The following DLGAP1 variants were observed in gnomAD, a reference collection of about 807,000 sequenced individuals.
DLGAP1 encodes the protein disks large-associated protein 1.
A neutral mutation model predicts 90.8 loss-of-function variants in DLGAP1; 11 were observed. That is an observed-to-expected ratio of 0.12 (90% CI 0.08 to 0.20). The LOEUF is 0.20. DLGAP1 is among the 10% of genes least tolerant of loss of function. The pLI is 1.00. For missense variants in DLGAP1, 1,050 were observed against 1,333.8 expected (o/e 0.79, Z 3.31); for synonymous variants, 558 against 540.7 (o/e 1.03, Z -0.44).
intron 5 of DLGAP1, among the ~76,000 whole-genome samples, chr18:3,776,565 G>A (rs922603805): frequency 7.9e-5 from 12 of 152,096 alleles, no homozygotes; most frequent in African/African-American, 2.2e-4. Context: ...TTGGGGCTGT[G>A]CCGACTCTCC....
chr18:4,089,820 C>A (rs9961053), intron 2 of DLGAP1, among the ~76,000 whole-genome samples: 3,524 of 151,978 alleles, frequency 0.023, 140 homozygotes, highest in African/African-American at 0.078. Context: ...CCGAGGCGGG[C>A]GGATCACGAG....
At chr18:4,399,097 TGGGATTACA>T (rs2082499171) in intron 1 of DLGAP1, among the ~76,000 whole-genome samples, 1 of 152,248 alleles carries the variant, frequency 6.6e-6, no homozygotes, top group Non-Finnish European at 1.5e-5. Flanking sequence ...CCCAAAGTGC[TGGGATTACA>T]GGCGTGAGCC....
At chr18:4,179,863 C>T (rs1195077604) in intron 1 of DLGAP1, among the ~76,000 whole-genome samples, 1 of 152,212 alleles carries the variant, frequency 6.6e-6, no homozygotes, top group Non-Finnish European at 1.5e-5. Flanking sequence ...GGGGAAGGCA[C>T]TTTACCTCTC....
intron 2 of DLGAP1, among the ~76,000 whole-genome samples, chr18:4,006,763 A>T (rs561604757): frequency 6.6e-6 from 1 of 150,536 alleles, no homozygotes; most frequent in South Asian, 2.1e-4. Context: ...CTTCTACCTC[A>T]CCCTCTCAAA....
chr18:4,409,727 C>T (rs188232809), intron 1 of DLGAP1, among the ~76,000 whole-genome samples: 109 of 152,028 alleles, frequency 7.2e-4, no homozygotes, highest in African/African-American at 2.5e-3. Flanking sequence ...TTTGGGAATT[C>T]TCTATTCATG....
intron 7 of DLGAP1, among the ~76,000 whole-genome samples, chr18:3,667,267 C>T (rs754166299): frequency 4.6e-5 from 7 of 151,926 alleles, no homozygotes; most frequent in African/African-American, 1.5e-4. Context: ...TTAGTAGAGG[C>T]GGGGTTTTAC....
intron 3 of DLGAP1, among the ~76,000 whole-genome samples, chr18:3,984,812 C>T (rs547599522): frequency 3.3e-5 from 5 of 152,186 alleles, no homozygotes; most frequent in Admixed American, 1.3e-4. Context: ...TAATCCATCT[C>T]GGTGTTTGGG....
intron 1 of DLGAP1, among the ~76,000 whole-genome samples, chr18:4,187,178 T>C (rs1010834537): frequency 2.6e-5 from 4 of 152,182 alleles, no homozygotes; most frequent in African/African-American, 9.7e-5. Context: ...TTTCTACATA[T>C]AGAACCATTT....
Sources: allele counts gnomAD v4.1 joint callset (sites outside exome capture counted in the v4.1 genomes callset), GRCh38; gene constraint gnomAD v4.1.1; transcripts MANE v1.5; gene names NCBI Gene and HGNC (gene_info 2026-07-23, HGNC 2026-07-21).